SGCD: variants seen among roughly 807,000 people sequenced by gnomAD.
SGCD encodes the protein sarcoglycan delta.
In SGCD, 18 loss-of-function variants were observed where a neutral mutation model predicts 36.6. That is an observed-to-expected ratio of 0.49 (90% confidence interval 0.34 to 0.73). SGCD has a LOEUF of 0.73. Among genes scored for constraint, SGCD ranks in the 30% least tolerant of loss-of-function variants. The probability of loss-of-function intolerance (pLI) is 0.01; values close to 1 mark genes in which losing one functional copy is unlikely to be tolerated. For synonymous variants in SGCD, 133 were observed against 130.6 expected, an observed-to-expected ratio of 1.02 and a Z score of -0.12; for missense variants, 387 against 346.7, an observed-to-expected ratio of 1.12 and a Z score of -0.92.
chr5:155,851,918 G>A, the SGCD span, among the ~76,000 whole-genome samples: 1 of 152,160 alleles, frequency 6.6e-6, no homozygotes, highest in East Asian at 1.9e-4. Context: ...TCTGTTCTTT[G>A]TATTGATCTT....
intron 7 of SGCD, among the ~76,000 whole-genome samples, chr5:156,728,309 G>A (rs988164685): frequency 2.0e-5 from 3 of 151,776 alleles, no homozygotes; most frequent in African/African-American, 7.3e-5. Flanking sequence ...TACTGCATGA[G>A]GTAGAGCAAC....
At chr5:156,516,770 A>G (rs917296892) in intron 4 of SGCD, among the ~76,000 whole-genome samples, 63 of 152,258 alleles carry the variant, frequency 4.1e-4, no homozygotes, top group African/African-American at 1.5e-3. Flanking sequence ...GCCGAGGCAC[A>G]TGGATCACCT....
At chr5:155,915,799 GA>G (rs1756722357) in intron 1 of SGCD, among the ~76,000 whole-genome samples, 1 of 152,174 alleles carries the variant, frequency 6.6e-6, no homozygotes, top group Admixed American at 6.5e-5. Context: ...ATTGGCGTTT[GA>G]GTACATTTCA....
At chr5:156,618,592 C>CA (rs748789128) in intron 6 of SGCD, among the ~76,000 whole-genome samples, 2,644 of 76,074 alleles carry the variant, frequency 0.035, 69 homozygotes, top group East Asian at 0.095. Context: ...TCATAATTCT[C>CA]AAAAAAAAAA....
chr5:156,726,599 G>A (rs971939938), intron 7 of SGCD, among the ~76,000 whole-genome samples: 1 of 151,968 alleles, frequency 6.6e-6, no homozygotes, highest in African/African-American at 2.4e-5. Context: ...CAACTCCCTG[G>A]GCTTTAACAA....
At chr5:155,813,701 G>T in the SGCD span, among the ~76,000 whole-genome samples, 1 of 152,152 alleles carries the variant, frequency 6.6e-6, no homozygotes, top group Non-Finnish European at 1.5e-5. Flanking sequence ...CAGGCAGACT[G>T]CACAGAGATT....
the SGCD span, among the ~76,000 whole-genome samples, chr5:155,784,015 G>T: frequency 6.6e-6 from 1 of 152,132 alleles, no homozygotes; most frequent in African/African-American, 2.4e-5. Flanking sequence ...TTTGCTGAGG[G>T]TAAATATGAG....
intron 1 of SGCD, among the ~76,000 whole-genome samples, chr5:156,068,075 C>T (rs1368784817): frequency 6.6e-6 from 1 of 151,724 alleles, no homozygotes; most frequent in Non-Finnish European, 1.5e-5. Flanking sequence ...CTGCAGTGGC[C>T]TGTGATGTCC....
At chr5:156,206,283 T>A (rs1356889112) in intron 3 of SGCD, among the ~76,000 whole-genome samples, 1 of 151,292 alleles carries the variant, frequency 6.6e-6, no homozygotes. Flanking sequence ...GCATTCGGGG[T>A]TTTCCCAATA....
the SGCD span, among the ~76,000 whole-genome samples, chr5:155,747,782 C>A: frequency 6.6e-6 from 1 of 152,164 alleles, no homozygotes; most frequent in South Asian, 2.1e-4. Flanking sequence ...CTCCTCCCCC[C>A]TTATCTGTCT....
At chr5:156,103,631 T>G (rs1006082819) in intron 1 of SGCD, among the ~76,000 whole-genome samples, 1 of 152,116 alleles carries the variant, frequency 6.6e-6, no homozygotes, top group African/African-American at 2.4e-5. Flanking sequence ...ACCTAATTTG[T>G]TGGTTTCAGC....
At chr5:156,743,394 G>A (rs1428848179) in intron 7 of SGCD, among the ~76,000 whole-genome samples, 1 of 152,168 alleles carries the variant, frequency 6.6e-6, no homozygotes, top group Admixed American at 6.5e-5. Flanking sequence ...TTACAGGCAT[G>A]AACCACCGCG....
At chr5:156,503,266 C>T (rs183904326) in intron 3 of SGCD, among the ~76,000 whole-genome samples, 41 of 152,176 alleles carry the variant, frequency 2.7e-4, no homozygotes, top group African/African-American at 8.7e-4. Flanking sequence ...TTTTGTAACT[C>T]GTCATGGCAC....
intron 3 of SGCD, among the ~76,000 whole-genome samples, chr5:156,447,621 G>A (rs573143284): frequency 2.6e-5 from 4 of 152,250 alleles, no homozygotes; most frequent in African/African-American, 9.6e-5. Flanking sequence ...ATGGACACAG[G>A]GAGGGGAAAA....
the SGCD span, among the ~76,000 whole-genome samples, chr5:155,828,469 T>C: frequency 6.6e-6 from 1 of 152,162 alleles, no homozygotes. Flanking sequence ...ACGCAATGAT[T>C]CTGTTAAGAA....
At chr5:155,902,720 G>A (rs149090388) in intron 1 of SGCD, among the ~76,000 whole-genome samples, 31 of 152,254 alleles carry the variant, frequency 2.0e-4, no homozygotes, top group South Asian at 1.7e-3. Flanking sequence ...GTAATTTAGC[G>A]TAGTGCTTGG....
intron 3 of SGCD, among the ~76,000 whole-genome samples, chr5:156,251,640 C>A (rs1008200526): frequency 2.0e-5 from 3 of 151,656 alleles, no homozygotes; most frequent in African/African-American, 7.3e-5. Flanking sequence ...TCAGCCTCCC[C>A]AGTAGCTGGG....
intron 1 of SGCD, among the ~76,000 whole-genome samples, chr5:155,927,835 G>A (rs548478224): frequency 6.6e-6 from 1 of 152,310 alleles, no homozygotes; most frequent in East Asian, 1.9e-4. Flanking sequence ...TCAGTTGTGA[G>A]TGGCATACCA....
At chr5:156,567,512 AT>A (rs1279279552) in intron 4 of SGCD, among the ~76,000 whole-genome samples, 3 of 152,152 alleles carry the variant, frequency 2.0e-5, no homozygotes, top group East Asian at 1.9e-4. Flanking sequence ...AGGAAGAGCC[AT>A]TGTCCAGTTC....
Sources: allele counts gnomAD v4.1 joint callset (sites outside exome capture counted in the v4.1 genomes callset), GRCh38; gene constraint gnomAD v4.1.1; transcripts MANE v1.5; gene names NCBI Gene and HGNC (gene_info 2026-07-23, HGNC 2026-07-21).